Variants in USH2A observed in about 807,000 individuals in gnomAD.
The protein encoded by USH2A is usherin, also known as Usher syndrome 2A (autosomal recessive, mild).
In USH2A, 443 loss-of-function variants were observed where a neutral mutation model predicts 538.9. The observed-to-expected ratio is 0.82, with a 90% CI of 0.76 to 0.89. USH2A has a LOEUF of 0.89. Among genes scored for constraint, USH2A ranks in the 40% least tolerant of loss-of-function variants. USH2A has a pLI of 0.00. For synonymous variants in USH2A, 2,413 were observed against 2,273.5 expected, an observed-to-expected ratio of 1.06 and a Z score of -1.75; for missense variants, 6,633 against 6,324.8, an observed-to-expected ratio of 1.05 and a Z score of -1.65.
At chr1:216,031,340 T>C (rs189371657) in intron 32 of USH2A, among the ~76,000 whole-genome samples, 9 of 152,242 alleles carry the variant, frequency 5.9e-5, no homozygotes, top group Admixed American at 5.2e-4. Context: ...GCACCAAGGG[T>C]AAATACTTTA....
At chr1:216,123,562 T>C (rs968354580) in intron 21 of USH2A, among the ~76,000 whole-genome samples, 3 of 145,972 alleles carry the variant, frequency 2.1e-5, no homozygotes, top group Admixed American at 7.2e-5. Context: ...CAAAGATGTA[T>C]TGCTCATAAG....
chr1:215,849,091 C>A (rs1202099368), intron 44 of USH2A, among the ~76,000 whole-genome samples: 1 of 152,192 alleles, frequency 6.6e-6, no homozygotes, highest in Non-Finnish European at 1.5e-5. Flanking sequence ...AAAGCTGGGT[C>A]TGAATGTATC....
intron 43 of USH2A, among the ~76,000 whole-genome samples, chr1:215,874,613 G>C (rs935335658): frequency 2.0e-5 from 3 of 152,044 alleles, no homozygotes; most frequent in African/African-American, 7.2e-5. Context: ...TAGGAAATTG[G>C]CTTCAACTTA....
chr1:216,058,820 C>T (rs548007180), intron 30 of USH2A, among the ~76,000 whole-genome samples: 2 of 152,228 alleles, frequency 1.3e-5, no homozygotes, highest in South Asian at 4.2e-4. Context: ...TAGCAGAAAG[C>T]TACATTTGCT....
At chr1:216,137,898 G>A (rs1037996181) in intron 21 of USH2A, among the ~76,000 whole-genome samples, 1 of 152,092 alleles carries the variant, frequency 6.6e-6, no homozygotes, top group Non-Finnish European at 1.5e-5. Flanking sequence ...AGTTTTCAAT[G>A]TGGATGCATT....
intron 61 of USH2A, among the ~76,000 whole-genome samples, chr1:215,716,209 G>A (rs868286046): frequency 6.6e-6 from 1 of 151,826 alleles, no homozygotes; most frequent in Non-Finnish European, 1.5e-5. Flanking sequence ...GGGCGGGGGG[G>A]CCCGCCAAGT....
Position 215,674,515 on chromosome 1 carries a change from G to A in USH2A, c.13396C>T (p.Pro4466Ser), listed in dbSNP as rs138398671. The A allele has an allele frequency of 3.3e-4, 538 of 1,614,044 alleles. No individual in the cohort carries two copies. The highest frequency in any genetic ancestry group is 4.3e-4 in the Non-Finnish European group (513 of 1,180,020). ...GSESIEITWK[P>S]PRNPNGQIRS... is the part of the protein sequence containing the mutation. ...ATCTGGCCATTTGGGTTTCTTGGAG[G>A]TTTCCAGGTGATTTCTATTGATTCT... is the stretch of plus-strand genomic sequence containing the variant. The change falls in exon 63 of 72, where the codon CCT becomes TCT. Residue 4466 changes from proline (P) to serine (S), a missense_variant. Transcript: ENST00000307340.
At chr1:215,703,624 C>T (rs993646579) in intron 61 of USH2A, among the ~76,000 whole-genome samples, 1 of 152,074 alleles carries the variant, frequency 6.6e-6, no homozygotes, top group African/African-American at 2.4e-5. Context: ...AGGGGAAAAC[C>T]ACCTACTCAA....
intron 30 of USH2A, among the ~76,000 whole-genome samples, chr1:216,057,502 C>T (rs1008794056): frequency 4.6e-5 from 7 of 151,150 alleles, no homozygotes; most frequent in Non-Finnish European, 1.0e-4. Context: ...CTAAAAATAC[C>T]AACAACAAAA....
chr1:216,259,794 C>T (rs2036332981), intron 11 of USH2A, among the ~76,000 whole-genome samples: 1 of 151,898 alleles, frequency 6.6e-6, no homozygotes, highest in Admixed American at 6.6e-5. Flanking sequence ...ATGTATTTTC[C>T]TCTTTTTCTC....
At chr1:215,856,083 C>T (rs906318064) in intron 44 of USH2A, among the ~76,000 whole-genome samples, 9 of 152,158 alleles carry the variant, frequency 5.9e-5, no homozygotes, top group Non-Finnish European at 1.0e-4. Context: ...CACAAAAATT[C>T]TAGAAGATAA....
intron 71 of USH2A, among the ~76,000 whole-genome samples, chr1:215,626,433 A>G (rs1157206745): frequency 2.0e-5 from 3 of 151,840 alleles, no homozygotes; most frequent in Admixed American, 1.3e-4. Context: ...ATACACACAT[A>G]TATATGGATT....
At chr1:216,006,920 G>T (rs528732552) in intron 32 of USH2A, among the ~76,000 whole-genome samples, 8 of 152,254 alleles carry the variant, frequency 5.3e-5, no homozygotes, top group Admixed American at 1.3e-4. Flanking sequence ...GATATGGTTT[G>T]GCTATGTCCC....
chr1:216,345,041 G>C (rs945142485), intron 4 of USH2A, among the ~76,000 whole-genome samples: 1 of 151,894 alleles, frequency 6.6e-6, no homozygotes, highest in Non-Finnish European at 1.5e-5. Flanking sequence ...TACTGGAAAA[G>C]ATCCCTTCAT....
rs1657047921 is a variant in USH2A, at chr1:215,650,793, T to A, written c.14142A>T (p.Ala4714=). The change falls in exon 65 of 72, where the codon GCA becomes GCT. Residue 4714 remains alanine (A), a synonymous_variant. Coordinates refer to ENST00000307340, the MANE Select transcript of USH2A (RefSeq NM_206933.4). ...PFTEYEYQVW[A]VNSAGKAPSS... is the part of the protein sequence containing the mutation. ...TGGGGGCTTTTCCTGCAGAATTCAC[T>A]GCCCAGACCTCCAAAGAGAAATCAA... The A allele has an allele frequency of 6.2e-7, 1 of 1,608,830 alleles. No individual in the cohort carries two copies. The highest frequency in any genetic ancestry group is 2.2e-5 in the East Asian group (1 of 44,596).
At chr1:215,678,705 T>C (rs1345558329) in intron 62 of USH2A, among the ~76,000 whole-genome samples, 1 of 151,902 alleles carries the variant, frequency 6.6e-6, no homozygotes, top group East Asian at 1.9e-4. Flanking sequence ...GCCACATTTA[T>C]TCACACAGAC....
intron 3 of USH2A, among the ~76,000 whole-genome samples, chr1:216,378,762 A>T (rs1368039131): frequency 1.3e-5 from 2 of 151,932 alleles, no homozygotes; most frequent in Non-Finnish European, 2.9e-5. Context: ...TAATCAATTC[A>T]CTGCATTCGT....
chr1:215,743,360 A>AGAGAGAG, intron 58 of USH2A, 25 bp from the exon 59 acceptor site: 7 of 1,260,590 alleles, frequency 5.6e-6, no homozygotes, highest in South Asian at 1.2e-5. Flanking sequence ...AGAGAGAGAG[A>AGAGAGAG]ACATTAAAAA....
chr1:215,667,597 G>A (rs1490727656), intron 64 of USH2A, among the ~76,000 whole-genome samples: 1 of 152,076 alleles, frequency 6.6e-6, no homozygotes. Context: ...CTACCAGGAG[G>A]CTGAGGCAGA....
Sources: allele counts gnomAD v4.1 joint callset (sites outside exome capture counted in the v4.1 genomes callset), GRCh38; gene constraint gnomAD v4.1.1; transcripts MANE v1.5; gene names NCBI Gene and HGNC (gene_info 2026-07-23, HGNC 2026-07-21).